Variants in FSTL5 observed in about 807,000 individuals in gnomAD.
FSTL5 encodes follistatin like 5.
In FSTL5, 62 loss-of-function variants were observed where a neutral mutation model predicts 89.1. The observed-to-expected ratio is 0.70, with a 90% CI of 0.57 to 0.86. The LOEUF (loss-of-function observed/expected upper bound fraction) is 0.86. FSTL5 is among the 40% of genes least tolerant of loss of function. The pLI is 0.00. For missense variants in FSTL5, 1,057 were observed against 1,001.6 expected (o/e 1.06, Z -0.75); for synonymous variants, 383 against 346.2 (o/e 1.11, Z -1.18).
chr4:161,551,454 G>A (rs1055283478), intron 8 of FSTL5, among the ~76,000 whole-genome samples: 24 of 151,328 alleles, frequency 1.6e-4, no homozygotes, highest in Non-Finnish European at 3.1e-4. Context: ...TTGTAAATTT[G>A]TTTGAGTTCA....
chr4:161,817,304 C>T (rs1397205387), intron 4 of FSTL5, among the ~76,000 whole-genome samples: 1 of 152,092 alleles, frequency 6.6e-6, no homozygotes, highest in Non-Finnish European at 1.5e-5. Flanking sequence ...AGATAAGATA[C>T]ATTCAGGGTC....
intron 4 of FSTL5, among the ~76,000 whole-genome samples, chr4:161,880,181 C>T (rs949007995): frequency 1.1e-4 from 16 of 152,004 alleles, no homozygotes; most frequent in African/African-American, 3.9e-4. Context: ...GTAAATTTTA[C>T]TGCATGCAAA....
At chr4:161,851,542 CATATGTATATGCAT>C (rs1269195385) in intron 4 of FSTL5, among the ~76,000 whole-genome samples, 7 of 151,954 alleles carry the variant, frequency 4.6e-5, no homozygotes, top group Non-Finnish European at 1.0e-4. Context: ...AATATATGCA[CATATGTATATGCAT>C]ACATTTAATA....
intron 3 of FSTL5, among the ~76,000 whole-genome samples, chr4:161,933,319 C>A (rs1007006040): frequency 1.3e-5 from 2 of 152,022 alleles, no homozygotes; most frequent in African/African-American, 4.8e-5. Flanking sequence ...TGTTTCTTTC[C>A]TCTGCCCACC....
chr4:161,820,731 G>A (rs550049587), intron 4 of FSTL5, among the ~76,000 whole-genome samples: 46 of 152,188 alleles, frequency 3.0e-4, no homozygotes, highest in Non-Finnish European at 5.0e-4. Flanking sequence ...TGAGAACAAA[G>A]GAGCCAGAAG....
intron 15 of FSTL5, among the ~76,000 whole-genome samples, chr4:161,422,250 T>G (rs13104744): frequency 0.28 from 42,456 of 151,910 alleles, 6,217 homozygotes; most frequent in Middle Eastern, 0.34. Context: ...TGTAAAGGAT[T>G]GTTTAGAACA....
At chr4:161,802,341 T>C (rs1013937635) in intron 4 of FSTL5, among the ~76,000 whole-genome samples, 3 of 151,840 alleles carry the variant, frequency 2.0e-5, no homozygotes, top group African/African-American at 2.4e-5. Flanking sequence ...TGGGGGTATA[T>C]GTGTGTGCCT....
chr4:161,688,239 C>T (rs538404674), intron 6 of FSTL5, among the ~76,000 whole-genome samples: 4 of 152,232 alleles, frequency 2.6e-5, no homozygotes, highest in Admixed American at 1.3e-4. Context: ...AGCGCCTCCA[C>T]ACCCAGCTAA....
intron 2 of FSTL5, among the ~76,000 whole-genome samples, chr4:162,075,329 G>C (rs1026077831): frequency 2.6e-5 from 4 of 151,826 alleles, no homozygotes; most frequent in African/African-American, 9.7e-5. Flanking sequence ...ATTTGCATAA[G>C]ATTTGGAGTC....
rs186392690 is a variant in FSTL5, at chr4:161,594,679, A to G, written c.895-7104T>C. Among the ~76,000 whole-genome samples, 601 of 152,142 alleles carry G rather than the reference A, an allele frequency of 4.0e-3. 3 individuals are homozygous for G. Among genetic ancestry groups the G allele is most frequent in the Middle Eastern group, 0.017 (5 of 294 alleles). On this transcript the variant is annotated intron_variant, in intron 7 of 15. Coordinates refer to ENST00000306100, the MANE Select transcript of FSTL5 (RefSeq NM_020116.5). ...AATATTCCAGCCAAAATTTTCTTTAATAAACAATTTTATAAACTCCTTTTC... is the reference window on the plus strand; with the variant it reads ...AATATTCCAGCCAAAATTTTCTTTAGTAAACAATTTTATAAACTCCTTTTC...
intron 4 of FSTL5, among the ~76,000 whole-genome samples, chr4:161,778,319 G>C (rs976424935): frequency 1.1e-4 from 17 of 151,952 alleles, no homozygotes; most frequent in Non-Finnish European, 5.9e-5. Flanking sequence ...TTACATAATA[G>C]GTTTTATGTT....
At chr4:161,613,281 T>C (rs1258830641) in intron 7 of FSTL5, among the ~76,000 whole-genome samples, 6 of 151,914 alleles carry the variant, frequency 3.9e-5, no homozygotes. Flanking sequence ...TGAAATCTTG[T>C]CTCTACTAAA....
At chr4:161,960,087 C>T (rs1735133652) in intron 3 of FSTL5, among the ~76,000 whole-genome samples, 1 of 151,360 alleles carries the variant, frequency 6.6e-6, no homozygotes, top group Non-Finnish European at 1.5e-5. Flanking sequence ...GTTTAATTAG[C>T]TTGTTTGCTT....
At chr4:161,893,739 A>G (rs1044978730) in intron 4 of FSTL5, among the ~76,000 whole-genome samples, 1 of 152,236 alleles carries the variant, frequency 6.6e-6, no homozygotes, top group Non-Finnish European at 1.5e-5. Context: ...AAATGAGCAT[A>G]GCACATTGCT....
chr4:161,548,971 T>C (rs1277439819), intron 8 of FSTL5, among the ~76,000 whole-genome samples: 1 of 151,876 alleles, frequency 6.6e-6, no homozygotes, highest in Non-Finnish European at 1.5e-5. Context: ...TTAAATCTAT[T>C]CACATTGAAA....
In FSTL5 at chr4:161,499,801, T is replaced by A. The variant is rs567905341; in HGVS notation, c.1458+215A>T. ...CTTCATTTTAGCAAATTCTTAGGAA[T>A]ACATAATATATTAGCAAATTCTTAG... On this transcript the variant is annotated intron_variant, in intron 12 of 15. Coordinates refer to ENST00000306100, the MANE Select transcript of FSTL5 (RefSeq NM_020116.5). Among the ~76,000 whole-genome samples, 3 of 151,850 alleles carry A rather than the reference T, an allele frequency of 2.0e-5. No individual in the cohort carries two copies. The East Asian group carries it at 5.8e-4, about 29-fold the overall frequency.
intron 6 of FSTL5, among the ~76,000 whole-genome samples, chr4:161,724,081 G>A (rs955902619): frequency 3.9e-5 from 6 of 151,990 alleles, no homozygotes; most frequent in South Asian, 2.1e-4. Flanking sequence ...AAGCTAAATC[G>A]TATTAGTAGA....
chr4:161,926,745 CCTTT>C (rs1354409054), intron 3 of FSTL5, among the ~76,000 whole-genome samples: 1 of 151,732 alleles, frequency 6.6e-6, no homozygotes, highest in Non-Finnish European at 1.5e-5. Context: ...ATTAATTTTT[CCTTT>C]CTAAGTTCTA....
At chr4:161,956,245 C>T (rs1413426149) in intron 3 of FSTL5, among the ~76,000 whole-genome samples, 1 of 150,186 alleles carries the variant, frequency 6.7e-6, no homozygotes, top group Non-Finnish European at 1.5e-5. Context: ...AGAATTATTA[C>T]AACCAAGTTT....
Sources: gnomAD v4.1 joint callset for allele counts (sites outside exome capture counted in the v4.1 genomes callset) on GRCh38, gnomAD v4.1.1 for gene constraint, MANE v1.5 for transcripts, NCBI Gene and HGNC (gene_info 2026-07-23, HGNC 2026-07-21) for gene names.